GPRIN1: variants seen among roughly 807,000 people sequenced by gnomAD.
GPRIN1 encodes the protein G protein-regulated inducer of neurite outgrowth 1.
In GPRIN1, 4 loss-of-function variants were observed where a neutral mutation model predicts 2.8. The observed-to-expected ratio is 1.45, with a 90% CI of 0.71 to 3.32. GPRIN1 has a LOEUF of 3.32. Among genes scored for constraint, GPRIN1 ranks in the 30% most tolerant of loss-of-function variants. The pLI is 0.01. For missense variants in GPRIN1, 1,322 were observed against 1,343.4 expected (o/e 0.98, Z 0.25); for synonymous variants, 589 against 589.9 (o/e 1.00, Z 0.02).
intron 1 of GPRIN1, among the ~76,000 whole-genome samples, chr5:176,608,219 C>T (rs908245820): frequency 6.6e-6 from 1 of 152,152 alleles, no homozygotes; most frequent in Non-Finnish European, 1.5e-5. Context: ...TGCACCTGGC[C>T]TGACACTTGG....
At position 176,597,453 on chromosome 5, in the gene GPRIN1, G is replaced by T. The variant is rs1383988808; in HGVS notation, c.2382C>A (p.Phe794Leu). 2 of 1,313,180 alleles carry T rather than the reference G, an allele frequency of 1.5e-6. No homozygotes were observed. Among genetic ancestry groups the T allele is most frequent in the Admixed American group, 4.0e-5 (1 of 24,768 alleles). 81.3% of individuals were successfully genotyped at this position (1,313,180 alleles called of 1,614,324 possible). Reference protein sequence around the residue: ...PPPGPRTRDNFTKAPSWEASA... With the variant: ...PPPGPRTRDNLTKAPSWEASA... ...TCGCCTCCCACGACGGCGCCTTGGT[G>T]AAGTTGTCGCGAGTCCGCGGCCCCG... is the stretch of plus-strand genomic sequence containing the variant. Residue 794 changes from phenylalanine to leucine, a missense_variant, in exon 2 of 2, where the codon TTC (phenylalanine) becomes TTA (leucine). Coordinates refer to ENST00000303991, the MANE Select transcript of GPRIN1 (RefSeq NM_052899.3). This position sits in a 1 kb window ranked among gnomAD's most constrained non-coding sequence, Gnocchi z 6.1.
rs1211237272 is a variant in GPRIN1 at position 176,610,138 on chromosome 5, G to GCCGGCTCCGCGCT, written c.-196_-184dup. 79 of 149,404 alleles carry GCCGGCTCCGCGCT rather than the reference G, an allele frequency of 5.3e-4. 1 individual carries two copies. In the East Asian group the frequency reaches 0.013, roughly 25 times the overall value. 9.3% of individuals were successfully genotyped at this position (149,404 alleles called of 1,614,324 possible). A position where few individuals can be genotyped will look rare whatever the true frequency, so the allele number is the denominator to read the frequency against. Reference sequence around the variant, plus strand: ...CAGACTCGGCGCCGCCGTCCCCAGCGCCGGCTCCGCGCTCCCGCCCCGCGC... The same window carrying GCCGGCTCCGCGCT: ...CAGACTCGGCGCCGCCGTCCCCAGCGCCGGCTCCGCGCTCCGGCTCCGCGCTCCCGCCCCGCGC... On this transcript the variant is annotated 5_prime_UTR_variant, in exon 1 of 2. Coordinates refer to ENST00000303991, the MANE Select transcript of GPRIN1 (RefSeq NM_052899.3).
intron 1 of GPRIN1, among the ~76,000 whole-genome samples, chr5:176,600,449 AC>A (rs1759128980): frequency 6.6e-6 from 1 of 151,650 alleles, no homozygotes; most frequent in African/African-American, 2.4e-5. Flanking sequence ...TCTCTGTTCA[AC>A]CCCACCCCAT....
chr5:176,597,699 G>T lies in GPRIN1; in HGVS notation c.2136C>A (p.Pro712=). 1 of 1,595,088 alleles carries T rather than the reference G, an allele frequency of 6.3e-7. No individual in the cohort carries two copies. The highest frequency in any genetic ancestry group is 8.5e-7 in the Non-Finnish European group (1 of 1,170,870). ...ACGGCTTGGTCTTCTCCAGACTCAG[G>T]GGGACCACCTTCCCCAAGGATGGGG... ...TESPSLGKVV[P]LSLEKTKPSS... is the part of the protein sequence containing the mutation. The change falls in exon 2 of 2, where the codon CCC becomes CCA. Residue 712 remains proline, a synonymous_variant. Transcript: ENST00000303991. This position sits in a 1 kb window ranked among gnomAD's most constrained non-coding sequence, Gnocchi z 6.1.
chr5:176,597,524 C>A lies in GPRIN1; in HGVS notation c.2311G>T (p.Ala771Ser), dbSNP rs1759063969. 2.0e-6 allele frequency: 3 copies of A among 1,499,758 alleles called. No homozygotes were observed. Among genetic ancestry groups the A allele is most frequent in the Non-Finnish European group, 1.8e-6 (2 of 1,124,722 alleles). 92.9% of individuals were successfully genotyped at this position (1,499,758 alleles called of 1,614,324 possible). A position where few individuals can be genotyped will look rare whatever the true frequency, so the allele number is the denominator to read the frequency against. Residue 771 changes from alanine to serine, a missense_variant, in exon 2 of 2, where the codon GCT becomes TCT. Ala to Ser is a moderately conservative substitution (Grantham distance 99, BLOSUM62 1). Around this residue, in one of 3 missense-constraint regions of GPRIN1, gnomAD observed 1,117 missense variants for 1,128.6 expected, o/e 0.99. Transcript: ENST00000303991. The surrounding 1 kb of genome is among the most constrained non-coding windows in gnomAD (Gnocchi z 6.1). ...SSLGQKDLEA[A>S]GAERSPCPEA... is the part of the protein sequence containing the mutation. ...GGGCAGGGGCTTCTCTCGGCCCCAG[C>A]GGCTTCCAGGTCTTTCTGGCCGAGA...
rs1349054742 is a variant in GPRIN1, at chr5:176,610,126, G to C, written c.-171C>G. 1 of 149,344 alleles carries C rather than the reference G, an allele frequency of 6.7e-6. No homozygotes were observed. Among genetic ancestry groups the C allele is most frequent in the East Asian group, 2.0e-4 (1 of 4,968 alleles). 9.3% of individuals were successfully genotyped at this position (149,344 alleles called of 1,614,324 possible). ...CGGGAGGACCCGCAGACTCGGCGCC[G>C]CCGTCCCCAGCGCCGGCTCCGCGCT... On this transcript the variant is annotated 5_prime_UTR_variant, in exon 1 of 2. Coordinates refer to ENST00000303991, the MANE Select transcript of GPRIN1 (RefSeq NM_052899.3).
At chr5:176,604,071 G>A (rs1438035735) in intron 1 of GPRIN1, among the ~76,000 whole-genome samples, 1 of 152,178 alleles carries the variant, frequency 6.6e-6, no homozygotes, top group Non-Finnish European at 1.5e-5. Flanking sequence ...ATTATTCTTG[G>A]GACTGGGGAT....
rs753096343 is a variant in GPRIN1 at position 176,598,121 on chromosome 5, T to G, written c.1714A>C (p.Ile572Leu). 20 of 1,612,984 alleles carry G rather than the reference T, an allele frequency of 1.2e-5. No homozygotes were observed. The highest frequency in any genetic ancestry group is 1.7e-5 in the Non-Finnish European group (20 of 1,179,974). The change falls in exon 2 of 2, where the codon ATA (isoleucine) becomes CTA (leucine). Residue 572 changes from isoleucine (I) to leucine (L), a missense_variant. Ile to Leu is a conservative substitution (Grantham distance 5). Transcript: ENST00000303991. ...CCTGGAGTTGAGACCACTTTACCTA[T>G]AGACACAGAGTCCCCTTGTCCAGAG... ...GPSGQGDSVS[I>L]GKVVSTPGKT...
At chr5:176,604,040 C>T (rs1759186706) in intron 1 of GPRIN1, among the ~76,000 whole-genome samples, 1 of 152,184 alleles carries the variant, frequency 6.6e-6, no homozygotes, top group Non-Finnish European at 1.5e-5. Context: ...ATTTACTGAG[C>T]ACACAGGCAA....
At chr5:176,601,819 T>C (rs937453995) in intron 1 of GPRIN1, among the ~76,000 whole-genome samples, 2 of 152,070 alleles carry the variant, frequency 1.3e-5, no homozygotes, top group Non-Finnish European at 2.9e-5. Flanking sequence ...TCAGAATATA[T>C]CCAGCATCTG....
intron 1 of GPRIN1, among the ~76,000 whole-genome samples, chr5:176,609,642 C>A (rs928678485): frequency 1.3e-5 from 2 of 152,064 alleles, no homozygotes; most frequent in African/African-American, 2.4e-5. Context: ...GCGGGAAGCA[C>A]CCCCTCCCGC....
intron 1 of GPRIN1, 51 bp from the exon 2 acceptor site, chr5:176,599,928 G>A: frequency 1.7e-6 from 2 of 1,182,070 alleles, no homozygotes; most frequent in Non-Finnish European, 2.2e-6. Context: ...AGTGGGGGAG[G>A]AGACTCTGCC....
Position 176,598,969 on chromosome 5 carries a change from C to G in GPRIN1, c.866G>C (p.Arg289Thr), listed in dbSNP as rs923458585. 6 of 1,614,102 alleles carry G rather than the reference C, an allele frequency of 3.7e-6. No individual in the cohort carries two copies. The highest frequency in any genetic ancestry group is 5.1e-6 in the Non-Finnish European group (6 of 1,179,998). The part of the protein sequence containing the change: ...EKVDLVLSGK[R>T]DPGPSGKADP... ...TGCCTTTCCCGAGGGCCCAGGATCT[C>G]TCTTTCCCGACAATACAAGATCTAC... The change falls in exon 2 of 2, where the codon AGA (arginine) becomes ACA (threonine). Residue 289 changes from arginine (R) to threonine (T), a missense_variant. By Grantham distance (71) the Arg-to-Thr change is moderately conservative. Coordinates refer to ENST00000303991, the MANE Select transcript of GPRIN1 (RefSeq NM_052899.3).
intron 1 of GPRIN1, among the ~76,000 whole-genome samples, chr5:176,605,364 G>A (rs913296426): frequency 1.9e-4 from 29 of 152,246 alleles, no homozygotes; most frequent in Middle Eastern, 6.8e-3. Context: ...AAAGTGCTGC[G>A]ATTACAGGCA....
chr5:176,606,330 G>A (rs1759219932), intron 1 of GPRIN1, among the ~76,000 whole-genome samples: 1 of 152,204 alleles, frequency 6.6e-6, no homozygotes, highest in African/African-American at 2.4e-5. Flanking sequence ...GGGGAGGAAA[G>A]GGTCTGCAGC....
chr5:176,597,118 G>T lies in GPRIN1; in HGVS notation c.2717C>A (p.Pro906Gln). The T allele has an allele frequency of 6.8e-7, 1 of 1,471,780 alleles. No individual in the cohort carries two copies. 91.2% of individuals were successfully genotyped at this position (1,471,780 alleles called of 1,614,324 possible). Reference protein sequence around the residue: ...ALAAAVAPPEPAEPVRDVSWD... With the variant: ...ALAAAVAPPEQAEPVRDVSWD... ...GCTCACGTCTCGCACGGGCTCAGCC[G>T]GCTCCGGGGGCGCTACAGCGGCCGC... Residue 906 changes from proline to glutamine, a missense_variant, in exon 2 of 2, where the codon CCG becomes CAG. Pro to Gln is a moderately conservative substitution (Grantham distance 76). Around this residue, in one of 3 missense-constraint regions of GPRIN1, gnomAD observed 196 missense variants for 189.2 expected, o/e 1.04. Transcript: ENST00000303991. This position sits in a 1 kb window ranked among gnomAD's most constrained non-coding sequence, Gnocchi z 6.1.
chr5:176,607,900 GCTCTTTTTTTTTT>G (rs1759245757), intron 1 of GPRIN1, among the ~76,000 whole-genome samples: 1 of 114,758 alleles, frequency 8.7e-6, no homozygotes, highest in African/African-American at 3.3e-5. Context: ...CTGACACTTG[GCTCTTTTTTTTTT>G]TTTTTTTTTT....
chr5:176,602,117 G>A lies in GPRIN1; in HGVS notation c.-43-2240C>T, dbSNP rs1759156822. On this transcript the variant is annotated intron_variant, in intron 1 of 1. Coordinates refer to ENST00000303991, the MANE Select transcript of GPRIN1 (RefSeq NM_052899.3). This position sits in a 1 kb window ranked among gnomAD's most constrained non-coding sequence, Gnocchi z 4.4. The stretch of plus-strand genomic sequence containing the variant: ...TCACGCTGCTTCAGCCACGCGGGGT[G>A]CCTCGCTGTGCGCCTTGCTGTGCCT... 6.6e-6 allele frequency among the ~76,000 whole-genome samples: 1 copy of A among 152,192 alleles called. No homozygotes were observed. The highest frequency in any genetic ancestry group is 1.9e-4 in the East Asian group (1 of 5,198).
intron 1 of GPRIN1, among the ~76,000 whole-genome samples, chr5:176,601,450 A>C (rs1268525736): frequency 6.6e-6 from 1 of 152,208 alleles, no homozygotes; most frequent in Non-Finnish European, 1.5e-5. Context: ...AGAAATCCAA[A>C]GGAAAACTGA....
Sources: allele counts gnomAD v4.1 joint callset (sites outside exome capture counted in the v4.1 genomes callset), GRCh38; gene constraint gnomAD v4.1.1; regional missense constraint gnomAD v4.1.1; non-coding constraint Gnocchi (gnomAD v3.1); transcripts MANE v1.5; gene names NCBI Gene and HGNC (gene_info 2026-07-23, HGNC 2026-07-21).